The following PPP1R12B variants were observed in gnomAD, a reference collection of about 807,000 sequenced individuals.
PPP1R12B encodes myosin phosphatase target subunit 2.
Under a neutral mutation model 126.1 loss-of-function variants are expected in PPP1R12B, and 76 were observed. The observed-to-expected ratio is 0.60, with a 90% CI of 0.50 to 0.73. The LOEUF (loss-of-function observed/expected upper bound fraction) is 0.73. Among genes scored for constraint, PPP1R12B ranks in the 30% least tolerant of loss-of-function variants. PPP1R12B has a pLI of 0.00. For synonymous variants in PPP1R12B, 356 were observed against 434.7 expected, an observed-to-expected ratio of 0.82 and a Z score of 2.25; for missense variants, 1,052 against 1,205.1, an observed-to-expected ratio of 0.87 and a Z score of 1.88.
intron 18 of PPP1R12B, among the ~76,000 whole-genome samples, chr1:202,556,220 G>A (rs1686920077): frequency 6.6e-6 from 1 of 152,176 alleles, no homozygotes; most frequent in African/African-American, 2.4e-5. Flanking sequence ...CAGAGGAATG[G>A]TGGCAGGGAA....
chr1:202,501,806 AG>A, intron 18 of PPP1R12B: 1 of 968,090 alleles, frequency 1.0e-6, no homozygotes, highest in Non-Finnish European at 1.2e-6. Flanking sequence ...ACCTGAAATT[AG>A]GACTTACATC....
intron 18 of PPP1R12B, chr1:202,540,219 C>T (rs891177054): frequency 1.7e-5 from 28 of 1,608,234 alleles, no homozygotes; most frequent in Non-Finnish European, 2.2e-5. Context: ...GCATCTCCCT[C>T]CCCGACTGCC....
At chr1:202,357,470 A>G (rs914340765) in intron 1 of PPP1R12B, among the ~76,000 whole-genome samples, 4 of 152,164 alleles carry the variant, frequency 2.6e-5, no homozygotes, top group Admixed American at 2.6e-4. Flanking sequence ...TGGGAGAAAA[A>G]ATATAGATTT....
intron 18 of PPP1R12B, among the ~76,000 whole-genome samples, chr1:202,535,961 G>A (rs1684486754): frequency 6.6e-6 from 1 of 152,202 alleles, no homozygotes; most frequent in African/African-American, 2.4e-5. Flanking sequence ...TCCTGCAAGT[G>A]TCTCAAATAC....
intron 1 of PPP1R12B, among the ~76,000 whole-genome samples, chr1:202,384,303 T>C (rs116218232): frequency 0.015 from 2,241 of 152,330 alleles, 30 homozygotes; most frequent in Middle Eastern, 0.058. Context: ...GCAGCCCAAA[T>C]GTCCATCAAC....
chr1:202,575,342 T>C, intron 23 of PPP1R12B: 1 of 661,894 alleles, frequency 1.5e-6, no homozygotes, highest in Non-Finnish European at 2.4e-6. Flanking sequence ...AGGGAGGCAG[T>C]GAGAGAGACC....
At chr1:202,510,154 A>T (rs567900021) in intron 18 of PPP1R12B, among the ~76,000 whole-genome samples, 2 of 152,314 alleles carry the variant, frequency 1.3e-5, no homozygotes, top group East Asian at 3.9e-4. Flanking sequence ...CTAATGAAAT[A>T]TTATTTAGGC....
At chr1:202,385,763 G>A (rs1663016280) in intron 1 of PPP1R12B, among the ~76,000 whole-genome samples, 1 of 152,110 alleles carries the variant, frequency 6.6e-6, no homozygotes, top group Non-Finnish European at 1.5e-5. Flanking sequence ...TATTATTATG[G>A]ATTAAATGTT....
intron 23 of PPP1R12B, 132 bp downstream of exon 23, chr1:202,569,329 A>C (rs995000965): frequency 1.5e-5 from 14 of 919,660 alleles, no homozygotes; most frequent in Non-Finnish European, 2.2e-5. Flanking sequence ...ATGATGTGTA[A>C]AAAAGTGAGC....
chr1:202,476,628 A>C (rs1289637952), intron 13 of PPP1R12B, among the ~76,000 whole-genome samples: 2 of 151,520 alleles, frequency 1.3e-5, no homozygotes, highest in East Asian at 3.9e-4. Flanking sequence ...GGTTACAGTG[A>C]GCCGAGATCA....
chr1:202,418,031 T>C (rs1252788941), intron 2 of PPP1R12B, among the ~76,000 whole-genome samples: 1 of 152,230 alleles, frequency 6.6e-6, no homozygotes, highest in Non-Finnish European at 1.5e-5. Context: ...AGTGGATGAC[T>C]GGGTTGGCCC....
intron 10 of PPP1R12B, chr1:202,438,657 A>C (rs913741761): frequency 5.7e-5 from 31 of 544,386 alleles, no homozygotes; most frequent in Non-Finnish European, 5.4e-5. Context: ...CTGTTGAGGA[A>C]GAAGACGCTT....
At chr1:202,528,745 T>G (rs1415230929) in intron 18 of PPP1R12B, among the ~76,000 whole-genome samples, 1 of 151,666 alleles carries the variant, frequency 6.6e-6, no homozygotes, top group Non-Finnish European at 1.5e-5. Flanking sequence ...GTTTTTGTTT[T>G]TGTTTTTTTT....
In PPP1R12B at chr1:202,590,048, C is replaced by G. The variant is rs144408771; in HGVS notation, c.*9488C>G. The G allele has an allele frequency of 6.6e-6, 1 of 152,208 alleles. No individual in the cohort carries two copies. Among genetic ancestry groups the G allele is most frequent in the Non-Finnish European group, 1.5e-5 (1 of 68,034 alleles). The allele number at this position is 152,208 out of a possible 1,614,324, so 9.4% of individuals were successfully genotyped here. On this transcript the variant is annotated 3_prime_UTR_variant, in exon 24 of 24. Transcript: ENST00000608999. ...CAATGCTGTCCCACTCTCCCTTTCC[C>G]TAAAAATTCTGACGCCCTATCCCTG...
chr1:202,439,355 C>T, intron 10 of PPP1R12B: 3 of 1,320,920 alleles, frequency 2.3e-6, no homozygotes, highest in Non-Finnish European at 3.3e-6. Flanking sequence ...ACAAGACGAT[C>T]CACGCAGAAC....
chr1:202,543,326 T>C (rs1685307262), intron 18 of PPP1R12B, among the ~76,000 whole-genome samples: 1 of 152,210 alleles, frequency 6.6e-6, no homozygotes, highest in East Asian at 1.9e-4. Flanking sequence ...ATATAGAAGA[T>C]AGTGCATGTC....
chr1:202,572,944 T>C (rs985814825), intron 23 of PPP1R12B, among the ~76,000 whole-genome samples: 16 of 152,220 alleles, frequency 1.1e-4, no homozygotes, highest in African/African-American at 3.9e-4. Context: ...CTCTCCCTCA[T>C]GCTGATAACT....
intron 9 of PPP1R12B, among the ~76,000 whole-genome samples, 170 bp from the exon 10 acceptor site, chr1:202,437,651 T>G (rs1441321507): frequency 5.9e-4 from 90 of 152,244 alleles, no homozygotes; most frequent in African/African-American, 2.0e-3. Flanking sequence ...GGTTATTAGC[T>G]TTTGCTGGGT....
intron 18 of PPP1R12B, among the ~76,000 whole-genome samples, chr1:202,504,434 TAAAAC>T (rs917688602): frequency 1.3e-5 from 2 of 152,072 alleles, no homozygotes; most frequent in African/African-American, 2.4e-5. Flanking sequence ...TTATTAGAAA[TAAAAC>T]AACACCTAAA....
Sources: allele counts gnomAD v4.1 joint callset (sites outside exome capture counted in the v4.1 genomes callset), GRCh38; gene constraint gnomAD v4.1.1; transcripts MANE v1.5; gene names NCBI Gene and HGNC (gene_info 2026-07-23, HGNC 2026-07-21).